FANCC: variants seen among roughly 807,000 people sequenced by gnomAD.
The protein encoded by FANCC is FA complementation group C.
FANCC carries 55 observed loss-of-function variants against 71.3 expected under a neutral mutation model. The ratio of observed to expected loss-of-function variants is 0.77; its 90% CI spans 0.62 to 0.97. The LOEUF is 0.97. Ranked by LOEUF, FANCC falls within the 50% of genes least tolerant of loss-of-function variation. The pLI, the probability that FANCC is intolerant of heterozygous loss-of-function variation, is 0.00. For missense variants in FANCC, 678 were observed against 670.9 expected, an observed-to-expected ratio of 1.01 and a Z score of -0.12; for synonymous variants, 275 against 244.9, an observed-to-expected ratio of 1.12 and a Z score of -1.15.
chr9:95,248,194 C>T (rs942479648), intron 2 of FANCC, among the ~76,000 whole-genome samples: 1 of 152,076 alleles, frequency 6.6e-6, no homozygotes, highest in African/African-American at 2.4e-5. Flanking sequence ...CACTTGTTAC[C>T]TTTCATAAAA....
At chr9:95,209,501 T>C (rs1465751096) in intron 4 of FANCC, among the ~76,000 whole-genome samples, 1 of 152,158 alleles carries the variant, frequency 6.6e-6, no homozygotes, top group Non-Finnish European at 1.5e-5. Context: ...GGGAAATACC[T>C]GTACCTTCCA....
chr9:95,130,794 A>G (rs768966482), intron 8 of FANCC, among the ~76,000 whole-genome samples: 2 of 152,238 alleles, frequency 1.3e-5, no homozygotes, highest in Non-Finnish European at 2.9e-5. Context: ...AAGATTCTCC[A>G]TAAGAGTCAT....
chr9:95,279,840 C>G (rs866155433), intron 1 of FANCC, among the ~76,000 whole-genome samples: 1 of 148,964 alleles, frequency 6.7e-6, no homozygotes, highest in Admixed American at 6.8e-5. Context: ...CCCAGCTACT[C>G]GGGTGGGTGA....
At chr9:95,263,148 A>G (rs1184398024) in intron 1 of FANCC, among the ~76,000 whole-genome samples, 3 of 152,228 alleles carry the variant, frequency 2.0e-5, no homozygotes, top group African/African-American at 7.2e-5. Context: ...ACAAACCTAC[A>G]GTGGCTCCAG....
intron 6 of FANCC, among the ~76,000 whole-genome samples, chr9:95,156,293 G>A (rs1830459219): frequency 6.6e-6 from 1 of 152,156 alleles, no homozygotes; most frequent in East Asian, 1.9e-4. Context: ...TCAAAGCAAA[G>A]CTATGATACA....
At chr9:95,153,013 G>A (rs1160096272) in intron 6 of FANCC, among the ~76,000 whole-genome samples, 1 of 152,112 alleles carries the variant, frequency 6.6e-6, no homozygotes, top group African/African-American at 2.4e-5. Flanking sequence ...AGCTGTCCTG[G>A]GCTGCATGTA....
chr9:95,173,313 C>G (rs144220953), intron 4 of FANCC, among the ~76,000 whole-genome samples: 1 of 152,226 alleles, frequency 6.6e-6, no homozygotes, highest in Non-Finnish European at 1.5e-5. Context: ...AGCCCGGAAC[C>G]CATCATGAAG....
At chr9:95,311,932 A>G (rs1369306455) in intron 1 of FANCC, among the ~76,000 whole-genome samples, 1 of 152,216 alleles carries the variant, frequency 6.6e-6, no homozygotes, top group Non-Finnish European at 1.5e-5. Flanking sequence ...AATGAAAAAC[A>G]GGGGTGAAAG....
intron 3 of FANCC, among the ~76,000 whole-genome samples, chr9:95,241,365 A>G (rs1484602385): frequency 6.6e-6 from 1 of 152,232 alleles, no homozygotes; most frequent in African/African-American, 2.4e-5. Flanking sequence ...GTAAATCTTT[A>G]TAAAACTTTA....
intron 4 of FANCC, among the ~76,000 whole-genome samples, chr9:95,222,589 T>A (rs1829347905): frequency 6.6e-6 from 1 of 152,172 alleles, no homozygotes; most frequent in Non-Finnish European, 1.5e-5. Context: ...TATACATGTG[T>A]CAAAACTATC....
intron 14 of FANCC, among the ~76,000 whole-genome samples, chr9:95,105,219 A>G (rs965928217): frequency 1.3e-5 from 2 of 152,142 alleles, no homozygotes; most frequent in African/African-American, 4.8e-5. Flanking sequence ...CAGGATGGAG[A>G]CAATCTCCTG....
intron 7 of FANCC, chr9:95,145,328 T>C (rs1194483622): frequency 1.3e-5 from 2 of 152,072 alleles, no homozygotes; most frequent in Non-Finnish European, 2.9e-5. Context: ...GAACAAGAAA[T>C]GTGTAAATCC....
intron 7 of FANCC, among the ~76,000 whole-genome samples, chr9:95,148,981 C>T (rs1486661039): frequency 2.6e-5 from 4 of 152,118 alleles, no homozygotes; most frequent in South Asian, 2.1e-4. Context: ...CAAAACAACA[C>T]GTCCCACCAG....
intron 6 of FANCC, among the ~76,000 whole-genome samples, chr9:95,161,900 G>A (rs1356382921): frequency 1.3e-5 from 2 of 148,462 alleles, no homozygotes; most frequent in Non-Finnish European, 3.0e-5. Context: ...GGAGTGCAAT[G>A]GCACGATCTC....
chr9:95,247,420 T>A lies in FANCC; in HGVS notation c.250+12A>T. On this transcript the variant is annotated intron_variant, in intron 3 of 14. Transcript: ENST00000289081. ...AATAGCCATTTTGAGAGGACACGTT[T>A]TTGATTCTTACCATATGCTAAAATA... is the stretch of plus-strand genomic sequence containing the variant. 1 of 1,602,592 alleles carries A rather than the reference T, an allele frequency of 6.2e-7. No homozygotes were observed. Among genetic ancestry groups the A allele is most frequent in the Non-Finnish European group, 8.6e-7 (1 of 1,169,550 alleles).
intron 4 of FANCC, among the ~76,000 whole-genome samples, chr9:95,189,344 G>T (rs1392144100): frequency 6.6e-6 from 1 of 152,178 alleles, no homozygotes; most frequent in Admixed American, 6.5e-5. Flanking sequence ...TTAAGTCTGT[G>T]AGTGGGAAGG....
chr9:95,110,954 T>A, intron 13 of FANCC: 1 of 1,383,994 alleles, frequency 7.2e-7, no homozygotes, highest in Non-Finnish European at 9.3e-7. Flanking sequence ...GTGGTTAATA[T>A]CATCTGATTA....
intron 6 of FANCC, among the ~76,000 whole-genome samples, chr9:95,164,855 C>T (rs1458828018): frequency 1.3e-5 from 2 of 152,082 alleles, no homozygotes; most frequent in East Asian, 3.8e-4. Flanking sequence ...TTAAGAAAGA[C>T]TGGTGTTAAT....
chr9:95,264,741 C>T (rs1564809577), intron 1 of FANCC, among the ~76,000 whole-genome samples: 3 of 152,152 alleles, frequency 2.0e-5, no homozygotes, highest in African/African-American at 7.2e-5. Context: ...AAATACTTAG[C>T]TTCCAATCAA....
Sources: gnomAD v4.1 joint callset for allele counts (sites outside exome capture counted in the v4.1 genomes callset) on GRCh38, gnomAD v4.1.1 for gene constraint, MANE v1.5 for transcripts, NCBI Gene and HGNC (gene_info 2026-07-23, HGNC 2026-07-21) for gene names.